CNR1: variants seen among roughly 807,000 people sequenced by gnomAD.
The protein encoded by CNR1 is cannabinoid receptor 1 (brain).
CNR1 carries 10 observed loss-of-function variants against 23.0 expected under a neutral mutation model. The ratio of observed to expected loss-of-function variants is 0.43; its 90% CI spans 0.27 to 0.74. The LOEUF (loss-of-function observed/expected upper bound fraction) is 0.74. Ranked by LOEUF, CNR1 falls within the 30% of genes least tolerant of loss-of-function variation. CNR1 has a pLI of 0.19. For synonymous variants in CNR1, 271 were observed against 255.2 expected (o/e 1.06, Z -0.59); for missense variants, 422 against 618.8 (o/e 0.68, Z 3.37).
At chr6:88,146,451 T>C (rs1022159027) in intron 1 of CNR1, among the ~76,000 whole-genome samples, 1 of 152,272 alleles carries the variant, frequency 6.6e-6, no homozygotes, top group East Asian at 1.9e-4. Flanking sequence ...GGCCTCCTGA[T>C]AGTCCCCTTC....
At position 88,143,733 on chromosome 6, in the gene CNR1, C is replaced by G. The variant is rs1776962430; in HGVS notation, c.*123G>C. On this transcript the variant is annotated 3_prime_UTR_variant, in exon 2 of 2. Transcript: ENST00000369501. ...GCAAACTGATAAGTGATCATGGTGA[C>G]AATCACCTTTTCATTGAGCATGGTA... The G allele has an allele frequency of 1.4e-6, 1 of 718,586 alleles. No individual in the cohort carries two copies. Among genetic ancestry groups the G allele is most frequent in the East Asian group, 2.5e-5 (1 of 40,612 alleles). The allele number at this position is 718,586 out of a possible 1,614,324, so 44.5% of individuals were successfully genotyped here.
At position 88,154,175 on chromosome 6, in the gene CNR1, A is replaced by G. The variant is rs922049182; in HGVS notation, c.-63-8838T>C. Among the ~76,000 whole-genome samples, 19 of 152,312 alleles carry G rather than the reference A, an allele frequency of 1.2e-4. No homozygotes were observed. In the East Asian group the frequency reaches 3.5e-3, roughly 28 times the overall value. ...TTTAATGCACCATTTTCTCTAGTCT[A>G]TTCTTTACTAACACTATATGTGTTA... On this transcript the variant is annotated intron_variant, in intron 1 of 1. Transcript: ENST00000369501.
chr6:88,154,078 T>G (rs1212495256), intron 1 of CNR1, among the ~76,000 whole-genome samples: 1 of 152,204 alleles, frequency 6.6e-6, no homozygotes, highest in Non-Finnish European at 1.5e-5. Context: ...AAAATTCCAT[T>G]ATATTGGTAA....
Position 88,143,816 on chromosome 6 carries a change from A to G in CNR1, c.*40T>C. On this transcript the variant is annotated 3_prime_UTR_variant, in exon 2 of 2. Transcript: ENST00000369501. The stretch of plus-strand genomic sequence containing the variant: ...ACTCTTCTAGATTTTGAGCTTAAAA[A>G]AAAAAATTCTTTTCCTGTGCTGCCA... 6.5e-7 allele frequency: 1 copy of G among 1,535,150 alleles called. No homozygotes were observed. Among genetic ancestry groups the G allele is most frequent in the Non-Finnish European group, 8.8e-7 (1 of 1,130,630 alleles).
At chr6:88,162,183 T>C (rs990808688) in intron 1 of CNR1, among the ~76,000 whole-genome samples, 9 of 152,230 alleles carry the variant, frequency 5.9e-5, no homozygotes, top group African/African-American at 2.2e-4. Context: ...CTCTTCAGTG[T>C]CCATCTGCAC....
Position 88,146,088 on chromosome 6 carries a change from CAG to C in CNR1, c.-63-753_-63-752del, listed in dbSNP as rs575954395. Among the ~76,000 whole-genome samples, 26 of 152,146 alleles carry C rather than the reference CAG, an allele frequency of 1.7e-4. 1 individual carries two copies. In the South Asian group the frequency reaches 5.4e-3, roughly 32 times the overall value. On this transcript the variant is annotated intron_variant, in intron 1 of 1. Coordinates refer to ENST00000369501, the MANE Select transcript of CNR1 (RefSeq NM_016083.6). ...ACTTGCAATGAGGCGTATAGGAAGA[CAG>C]AGTTTTTTTTTTCTTTCTTTCTTTC...
intron 1 of CNR1, among the ~76,000 whole-genome samples, chr6:88,149,733 G>C (rs897077279): frequency 2.0e-5 from 3 of 152,156 alleles, no homozygotes; most frequent in Admixed American, 1.3e-4. Context: ...CCAGGTCTGT[G>C]CCAATGCTAC....
chr6:88,160,413 C>A (rs1778033449), intron 1 of CNR1, among the ~76,000 whole-genome samples: 1 of 150,868 alleles, frequency 6.6e-6, no homozygotes, highest in African/African-American at 2.4e-5. Context: ...TTAAAACAAA[C>A]TTAAAAAATT....
chr6:88,151,329 T>C (rs1777507304), intron 1 of CNR1, among the ~76,000 whole-genome samples: 1 of 152,206 alleles, frequency 6.6e-6, no homozygotes, highest in African/African-American at 2.4e-5. Flanking sequence ...ACCATCTCTC[T>C]AAGCTAAGAC....
rs1776793397 is a variant in CNR1, at chr6:88,141,194, C to T, written c.*2662G>A. On this transcript the variant is annotated 3_prime_UTR_variant, in exon 2 of 2. Transcript: ENST00000369501. ...AAATGGTAATTCTAATGAGTATATT[C>T]ATTGGGGACAATGTTTTCGTCACTT... The T allele has an allele frequency of 6.6e-6, 1 of 152,658 alleles. No homozygotes were observed. The highest frequency in any genetic ancestry group is 1.5e-5 in the Non-Finnish European group (1 of 68,026). The allele number at this position is 152,658 out of a possible 1,614,324, so 9.5% of individuals were successfully genotyped here.
intron 1 of CNR1, among the ~76,000 whole-genome samples, chr6:88,156,147 C>T (rs142269089): frequency 6.6e-6 from 1 of 152,252 alleles, no homozygotes; most frequent in African/African-American, 2.4e-5. Flanking sequence ...AAACGTTGTA[C>T]CATTTGTTGT....
intron 1 of CNR1, among the ~76,000 whole-genome samples, chr6:88,152,384 G>C (rs572925890): frequency 7.9e-5 from 12 of 152,224 alleles, no homozygotes; most frequent in African/African-American, 2.9e-4. Context: ...GAGCTATAAA[G>C]CTTCTTCAGT....
intron 1 of CNR1, among the ~76,000 whole-genome samples, chr6:88,161,878 T>C (rs1336199560): frequency 6.6e-6 from 1 of 152,238 alleles, no homozygotes; most frequent in Non-Finnish European, 1.5e-5. Context: ...ATGTGTTATA[T>C]ATAAAAACTA....
chr6:88,152,335 G>T (rs1224251573), intron 1 of CNR1, among the ~76,000 whole-genome samples: 1 of 151,622 alleles, frequency 6.6e-6, no homozygotes, highest in East Asian at 1.9e-4. Context: ...CTACCTACTT[G>T]CATGGACCTA....
chr6:88,149,587 T>C (rs1439914352), intron 1 of CNR1, among the ~76,000 whole-genome samples: 1 of 152,216 alleles, frequency 6.6e-6, no homozygotes, highest in Non-Finnish European at 1.5e-5. Context: ...CTCCCACTCA[T>C]ACTTAAACAC....
rs180823119 is a variant in CNR1, at chr6:88,150,645, A to C, written c.-63-5308T>G. Among the ~76,000 whole-genome samples the C allele has an allele frequency of 6.2e-3, 942 of 152,294 alleles. 3 individuals carry two copies. Among genetic ancestry groups the C allele is most frequent in the Non-Finnish European group, 8.9e-3 (608 of 68,022 alleles). On this transcript the variant is annotated intron_variant, in intron 1 of 1. Transcript: ENST00000369501. The stretch of plus-strand genomic sequence containing the variant: ...CTTTTGCTATTAGAAATGATGCTGC[A>C]ATAAATTGAATCCAACCACAGGTCA...
At chr6:88,145,394 A>G (rs1777125942) in intron 1 of CNR1, 57 bp from the exon 2 acceptor site, 1 of 814,168 alleles carries the variant, frequency 1.2e-6, no homozygotes, top group Non-Finnish European at 2.0e-6. Flanking sequence ...AATAAAAACA[A>G]AGAGACACTG....
chr6:88,158,115 G>A (rs924668633), intron 1 of CNR1, among the ~76,000 whole-genome samples: 1 of 152,182 alleles, frequency 6.6e-6, no homozygotes, highest in African/African-American at 2.4e-5. Flanking sequence ...CTTTCAAGAT[G>A]TAAATAATTA....
chr6:88,153,665 G>C (rs1170293934), intron 1 of CNR1, among the ~76,000 whole-genome samples: 1 of 152,128 alleles, frequency 6.6e-6, no homozygotes, highest in Non-Finnish European at 1.5e-5. Context: ...ATATTTGTTG[G>C]TTATTTTCCA....
Sources: allele counts gnomAD v4.1 joint callset (sites outside exome capture counted in the v4.1 genomes callset), GRCh38; gene constraint gnomAD v4.1.1; transcripts MANE v1.5; gene names NCBI Gene and HGNC (gene_info 2026-07-23, HGNC 2026-07-21).